CAMKMT: variants seen among roughly 807,000 people sequenced by gnomAD.
CAMKMT encodes CaM KMT.
Under a neutral mutation model 48.0 loss-of-function variants are expected in CAMKMT, and 53 were observed. The ratio of observed to expected loss-of-function variants is 1.10; its 90% CI spans 0.89 to 1.39. The LOEUF is 1.39. CAMKMT is among the 40% of genes most tolerant of loss of function. The probability of loss-of-function intolerance (pLI) is 0.00; values close to 1 mark genes in which losing one functional copy is unlikely to be tolerated. For synonymous variants in CAMKMT, 165 were observed against 152.3 expected, an observed-to-expected ratio of 1.08 and a Z score of -0.61; for missense variants, 428 against 402.7, an observed-to-expected ratio of 1.06 and a Z score of -0.54.
At position 44,425,550 on chromosome 2, in the gene CAMKMT, T is replaced by C. The variant is rs548407950; in HGVS notation, c.376+35245T>C. Among the ~76,000 whole-genome samples the C allele has an allele frequency of 2.6e-5, 4 of 152,238 alleles. No individual in the cohort carries two copies. In the South Asian group the frequency reaches 8.3e-4, roughly 32 times the overall value. On this transcript the variant is annotated intron_variant, in intron 3 of 10. Transcript: ENST00000378494. ...TTACATTCATATATTTATAAGAAAATTCCAGGTTTATAAGATTGATCCTTC... is the reference window on the plus strand; with the variant it reads ...TTACATTCATATATTTATAAGAAAACTCCAGGTTTATAAGATTGATCCTTC...
intron 3 of CAMKMT, among the ~76,000 whole-genome samples, chr2:44,607,092 G>C (rs1469121579): frequency 6.6e-6 from 1 of 152,176 alleles, no homozygotes; most frequent in Non-Finnish European, 1.5e-5. Flanking sequence ...TGATCAGAAG[G>C]AACATTTTGC....
intron 3 of CAMKMT, among the ~76,000 whole-genome samples, chr2:44,668,486 G>A (rs987583887): frequency 3.3e-5 from 5 of 152,120 alleles, no homozygotes; most frequent in Non-Finnish European, 7.4e-5. Flanking sequence ...TTCAGAAAAG[G>A]AAAGACAAGA....
In CAMKMT at chr2:44,536,760, A is replaced by G. The variant is rs1007324703; in HGVS notation, c.376+146455A>G. Among the ~76,000 whole-genome samples the G allele has an allele frequency of 8.5e-5, 13 of 152,220 alleles. No individual in the cohort carries two copies. The East Asian group carries it at 2.3e-3, about 27-fold the overall frequency. ...GAGGCATCATACTACCTGACTTTAAAGTATATTACAAGGATATAGTAACCC... is the reference window on the plus strand; with the variant it reads ...GAGGCATCATACTACCTGACTTTAAGGTATATTACAAGGATATAGTAACCC... On this transcript the variant is annotated intron_variant, in intron 3 of 10. Transcript: ENST00000378494.
chr2:44,685,203 GA>G lies in CAMKMT; in HGVS notation c.377-19079del, dbSNP rs561071617. Among the ~76,000 whole-genome samples, 327 of 152,254 alleles carry G rather than the reference GA, an allele frequency of 2.1e-3. 4 individuals are homozygous for G. The highest frequency in any genetic ancestry group is 7.2e-3 in the African/African-American group (300 of 41,540). On this transcript the variant is annotated intron_variant, in intron 3 of 10. Coordinates refer to ENST00000378494, the MANE Select transcript of CAMKMT (RefSeq NM_024766.5). ...AAATTTTCTTTATCAAAGTATGATTGATTTTTGCTTTTTAAAAGAAAGGTTT... is the reference window on the plus strand; with the variant it reads ...AAATTTTCTTTATCAAAGTATGATTGTTTTTGCTTTTTAAAAGAAAGGTTT...
At chr2:44,623,971 G>C (rs1672338151) in intron 3 of CAMKMT, among the ~76,000 whole-genome samples, 2 of 151,944 alleles carry the variant, frequency 1.3e-5, no homozygotes, top group African/African-American at 4.8e-5. Flanking sequence ...TTTTCTATTA[G>C]TAGTTTAGTC....
At chr2:44,733,010 A>G (rs1223557656) in intron 7 of CAMKMT, among the ~76,000 whole-genome samples, 1 of 152,238 alleles carries the variant, frequency 6.6e-6, no homozygotes, top group Non-Finnish European at 1.5e-5. Flanking sequence ...ACTCAAGGTT[A>G]CAAAGATTTT....
chr2:44,722,176 CTTTTTTTTTTT>C (rs11323950), intron 7 of CAMKMT, among the ~76,000 whole-genome samples: 5 of 115,458 alleles, frequency 4.3e-5, no homozygotes, highest in Non-Finnish European at 9.0e-5. Context: ...TTTCTTTTTT[CTTTTTTTTTTT>C]TTTTTTCTAT....
At chr2:44,542,129 CAAAA>C (rs542034096) in intron 3 of CAMKMT, among the ~76,000 whole-genome samples, 1 of 99,182 alleles carries the variant, frequency 1.0e-5, no homozygotes. Flanking sequence ...AACTCTGTCT[CAAAA>C]AAAAAAAAAA....
intron 3 of CAMKMT, among the ~76,000 whole-genome samples, chr2:44,659,493 G>A (rs902052092): frequency 6.6e-6 from 1 of 151,112 alleles, no homozygotes; most frequent in Non-Finnish European, 1.5e-5. Context: ...CCTTTGGGAG[G>A]CTGAGGTGGG....
At chr2:44,763,019 G>A (rs192691149) in intron 9 of CAMKMT, among the ~76,000 whole-genome samples, 19 of 152,264 alleles carry the variant, frequency 1.2e-4, no homozygotes, top group South Asian at 4.1e-4. Flanking sequence ...AGCTGAAATC[G>A]TAAAGCATAT....
chr2:44,712,864 G>A lies in CAMKMT; in HGVS notation c.557-2423G>A, dbSNP rs116804414. Among the ~76,000 whole-genome samples the A allele has an allele frequency of 9.6e-3, 1,464 of 152,140 alleles. 17 individuals carry two copies. The highest frequency in any genetic ancestry group is 0.016 in the Admixed American group (240 of 15,272). ...ATCTATTATTGGACAACACAGTGCC[G>A]TCCAGAAGAACCATCAAAATCTGAC... On this transcript the variant is annotated intron_variant, in intron 6 of 10. Transcript: ENST00000378494.
At chr2:44,384,500 C>CTTTTTTTTTT (rs141017634) in intron 2 of CAMKMT, among the ~76,000 whole-genome samples, 61 of 95,828 alleles carry the variant, frequency 6.4e-4, no homozygotes, top group African/African-American at 2.0e-3. Context: ...AGCTATTTAT[C>CTTTTTTTTTT]TTTTTTTTTT....
chr2:44,681,343 A>T (rs769657794), intron 3 of CAMKMT, among the ~76,000 whole-genome samples: 5 of 152,138 alleles, frequency 3.3e-5, no homozygotes, highest in Non-Finnish European at 7.4e-5. Context: ...TCAGCTGGGG[A>T]TTTTAGTCGC....
chr2:44,742,284 T>A (rs973969311), intron 7 of CAMKMT, among the ~76,000 whole-genome samples: 1 of 152,208 alleles, frequency 6.6e-6, no homozygotes, highest in African/African-American at 2.4e-5. Flanking sequence ...TTTCCTTCAT[T>A]TCTTGCCTAT....
Position 44,772,529 on chromosome 2 carries a change from C to T in CAMKMT, c.*416C>T, listed in dbSNP as rs563317137. The T allele has an allele frequency of 7.0e-5, 11 of 157,314 alleles. No individual in the cohort carries two copies. Among genetic ancestry groups the T allele is most frequent in the African/African-American group, 2.7e-4 (11 of 41,282 alleles). 9.7% of individuals were successfully genotyped at this position (157,314 alleles called of 1,614,324 possible). On this transcript the variant is annotated 3_prime_UTR_variant, in exon 11 of 11. Transcript: ENST00000378494. ...GGTAGTTTTTAATCAGTAAACCCAG[C>T]AAATATCATGATTCTTTCCTGGTTA...
intron 7 of CAMKMT, among the ~76,000 whole-genome samples, chr2:44,716,311 A>T (rs1678172950): frequency 6.6e-6 from 1 of 152,052 alleles, no homozygotes; most frequent in South Asian, 2.1e-4. Context: ...CCACAGACTG[A>T]TTTCTCTTGG....
At chr2:44,570,536 A>T (rs1000242219) in intron 3 of CAMKMT, among the ~76,000 whole-genome samples, 1 of 152,156 alleles carries the variant, frequency 6.6e-6, no homozygotes, top group Admixed American at 6.5e-5. Context: ...TTACATGGGG[A>T]AGAATTCCTT....
Position 44,745,511 on chromosome 2 carries a change from C to G in CAMKMT, c.698+1815C>G, listed in dbSNP as rs577725355. Reference sequence around the variant, plus strand: ...TTCAATTTAAGACTTACATTACACACACATAACATAATATTATATGTATAC... The same window carrying G: ...TTCAATTTAAGACTTACATTACACAGACATAACATAATATTATATGTATAC... On this transcript the variant is annotated intron_variant, in intron 8 of 10. Coordinates refer to ENST00000378494, the MANE Select transcript of CAMKMT (RefSeq NM_024766.5). Among the ~76,000 whole-genome samples the G allele has an allele frequency of 2.3e-4, 35 of 152,336 alleles. 1 individual carries two copies. Among genetic ancestry groups the G allele is most frequent in the Middle Eastern group, 3.4e-3 (1 of 294 alleles).
At chr2:44,572,716 G>A (rs577232306) in intron 3 of CAMKMT, among the ~76,000 whole-genome samples, 1 of 151,810 alleles carries the variant, frequency 6.6e-6, no homozygotes, top group African/African-American at 2.4e-5. Flanking sequence ...TGCTGTGTTG[G>A]CTGTTATGAG....
Sources: gnomAD v4.1 joint callset for allele counts (sites outside exome capture counted in the v4.1 genomes callset) on GRCh38, gnomAD v4.1.1 for gene constraint, MANE v1.5 for transcripts, NCBI Gene and HGNC (gene_info 2026-07-23, HGNC 2026-07-21) for gene names.